AIG1: variants seen among roughly 807,000 people sequenced by gnomAD.
AIG1 encodes the protein androgen-induced gene 1 protein.
Under a neutral mutation model 31.4 loss-of-function variants are expected in AIG1, and 23 were observed. That is an observed-to-expected ratio of 0.73 (90% CI 0.53 to 1.04). AIG1 has a LOEUF of 1.04. Among genes scored for constraint, AIG1 ranks in the 50% least tolerant of loss-of-function variants. The pLI is 0.00. For missense variants in AIG1, 274 were observed against 295.0 expected (o/e 0.93, Z 0.52); for synonymous variants, 100 against 110.5 (o/e 0.90, Z 0.60).
At chr6:143,232,766 C>T (rs1793533185) in intron 3 of AIG1, among the ~76,000 whole-genome samples, 1 of 152,152 alleles carries the variant, frequency 6.6e-6, no homozygotes, top group Non-Finnish European at 1.5e-5. Flanking sequence ...TTCACAGGGT[C>T]CTTTCTTCTT....
At chr6:143,228,188 C>A (rs979140537) in intron 3 of AIG1, among the ~76,000 whole-genome samples, 1 of 152,172 alleles carries the variant, frequency 6.6e-6, no homozygotes, top group Non-Finnish European at 1.5e-5. Context: ...AAAATCTCTG[C>A]CCTGCCCTCT....
At chr6:143,193,413 A>C (rs1165650692) in intron 3 of AIG1, among the ~76,000 whole-genome samples, 1 of 152,166 alleles carries the variant, frequency 6.6e-6, no homozygotes, top group Non-Finnish European at 1.5e-5. Flanking sequence ...ATTGCAAGCT[A>C]CCTTGACCTT....
chr6:143,167,234 C>G (rs1346914729), intron 3 of AIG1, among the ~76,000 whole-genome samples: 1 of 152,176 alleles, frequency 6.6e-6, no homozygotes, highest in Non-Finnish European at 1.5e-5. Flanking sequence ...CAATCAGGAG[C>G]AGGCTCTGGC....
At chr6:143,317,187 C>T (rs1168013447) in intron 4 of AIG1, among the ~76,000 whole-genome samples, 3 of 151,914 alleles carry the variant, frequency 2.0e-5, no homozygotes, top group South Asian at 2.1e-4. Context: ...AATACCAAAA[C>T]GAGGAAAGGA....
intron 3 of AIG1, among the ~76,000 whole-genome samples, chr6:143,246,482 C>G (rs578185379): frequency 6.6e-6 from 1 of 152,208 alleles, no homozygotes; most frequent in African/African-American, 2.4e-5. Flanking sequence ...AAGACCTGCC[C>G]CCATGATTCA....
intron 1 of AIG1, among the ~76,000 whole-genome samples, chr6:143,132,170 A>G (rs932366805): frequency 3.3e-5 from 5 of 152,222 alleles, no homozygotes; most frequent in Admixed American, 6.5e-5. Flanking sequence ...TAGAAATTAG[A>G]AAAGTAAAAA....
At chr6:143,104,362 TGAA>T (rs1780604880) in intron 1 of AIG1, among the ~76,000 whole-genome samples, 2 of 152,198 alleles carry the variant, frequency 1.3e-5, no homozygotes, top group African/African-American at 2.4e-5. Flanking sequence ...ATTATGAGGG[TGAA>T]GCTTCCTTCT....
At chr6:143,089,982 G>A (rs1779154433) in intron 1 of AIG1, among the ~76,000 whole-genome samples, 1 of 152,198 alleles carries the variant, frequency 6.6e-6, no homozygotes. Flanking sequence ...CACATATTAA[G>A]TATTGTACTT....
chr6:143,081,276 A>G (rs1169124596), intron 1 of AIG1, among the ~76,000 whole-genome samples: 1 of 152,122 alleles, frequency 6.6e-6, no homozygotes, highest in Non-Finnish European at 1.5e-5. Context: ...GTGATATTGT[A>G]TACCTAACGC....
intron 4 of AIG1, among the ~76,000 whole-genome samples, chr6:143,286,696 G>A (rs1452801281): frequency 6.6e-6 from 1 of 152,142 alleles, no homozygotes; most frequent in African/African-American, 2.4e-5. Context: ...ATGAAAGAAA[G>A]CATTCCTCTC....
intron 3 of AIG1, among the ~76,000 whole-genome samples, chr6:143,253,381 T>C (rs1464497246): frequency 6.6e-6 from 1 of 152,234 alleles, no homozygotes; most frequent in Non-Finnish European, 1.5e-5. Context: ...TCAAATATCA[T>C]GCTAACCAAA....
chr6:143,067,042 C>T (rs1406725504), intron 1 of AIG1, among the ~76,000 whole-genome samples: 1 of 152,018 alleles, frequency 6.6e-6, no homozygotes, highest in Admixed American at 6.5e-5. Context: ...TTGCATGTGC[C>T]TGTAGTCCCA....
At chr6:143,263,533 A>G (rs1795954580) in intron 3 of AIG1, among the ~76,000 whole-genome samples, 1 of 152,234 alleles carries the variant, frequency 6.6e-6, no homozygotes, top group African/African-American at 2.4e-5. Context: ...ATAACAAGGT[A>G]ATACCCACAA....
At chr6:143,104,570 T>G (rs1412610961) in intron 1 of AIG1, among the ~76,000 whole-genome samples, 2 of 152,170 alleles carry the variant, frequency 1.3e-5, no homozygotes, top group African/African-American at 4.8e-5. Flanking sequence ...CTGTTTGTGT[T>G]TTTATGTTTT....
intron 1 of AIG1, among the ~76,000 whole-genome samples, chr6:143,081,551 G>A (rs1448752032): frequency 2.0e-5 from 3 of 151,322 alleles, no homozygotes; most frequent in Non-Finnish European, 2.9e-5. Context: ...TTGTTCTCCT[G>A]AAGGAGCTTG....
At chr6:143,305,876 C>T (rs9496575) in intron 4 of AIG1, among the ~76,000 whole-genome samples, 9,108 of 151,972 alleles carry the variant, frequency 0.06, 722 homozygotes, top group African/African-American at 0.18. Context: ...CTTTGTAGGT[C>T]ACTCAGGACT....
chr6:143,125,401 T>C (rs1782608128), intron 1 of AIG1, among the ~76,000 whole-genome samples: 1 of 152,256 alleles, frequency 6.6e-6, no homozygotes, highest in African/African-American at 2.4e-5. Context: ...GTTTACTAAG[T>C]GCTTTGTACA....
At chr6:143,067,861 A>AT (rs1023205193) in intron 1 of AIG1, among the ~76,000 whole-genome samples, 3 of 151,992 alleles carry the variant, frequency 2.0e-5, no homozygotes, top group African/African-American at 7.3e-5. Flanking sequence ...TAAAATTGCA[A>AT]TTTTTTTCTT....
At chr6:143,324,193 T>G (rs1465246157) in intron 4 of AIG1, among the ~76,000 whole-genome samples, 1 of 152,234 alleles carries the variant, frequency 6.6e-6, no homozygotes, top group African/African-American at 2.4e-5. Context: ...AAGAGGTAAG[T>G]CAGTGCCTTC....
Sources: allele counts gnomAD v4.1 joint callset (sites outside exome capture counted in the v4.1 genomes callset), GRCh38; gene constraint gnomAD v4.1.1; transcripts MANE v1.5; gene names NCBI Gene and HGNC (gene_info 2026-07-23, HGNC 2026-07-21).